Variants in RORA observed in about 807,000 individuals in gnomAD.
The protein encoded by RORA is RAR related orphan receptor A, also known as nuclear receptor ROR-alpha.
Under a neutral mutation model 69.5 loss-of-function variants are expected in RORA, and 7 were observed. That is an observed-to-expected ratio of 0.10 (90% CI 0.06 to 0.19). The LOEUF (loss-of-function observed/expected upper bound fraction) is 0.19. Ranked by LOEUF, RORA falls within the 10% of genes least tolerant of loss-of-function variation. The pLI is 1.00. For missense variants in RORA, 457 were observed against 663.0 expected (o/e 0.69, Z 3.41); for synonymous variants, 261 against 240.8 (o/e 1.08, Z -0.78).
chr15:60,993,556 T>C (rs1894444377), intron 1 of RORA, among the ~76,000 whole-genome samples: 1 of 149,388 alleles, frequency 6.7e-6, no homozygotes, highest in African/African-American at 2.5e-5. Context: ...GGCAGGAGAA[T>C]TGCTTGAACC....
intron 2 of RORA, among the ~76,000 whole-genome samples, chr15:60,571,767 G>T (rs1403926818): frequency 6.6e-6 from 1 of 152,134 alleles, no homozygotes; most frequent in African/African-American, 2.4e-5. Flanking sequence ...CTAGCTATGG[G>T]ACTGTTGTAT....
At chr15:60,821,449 TTC>T (rs2072892872) in intron 1 of RORA, among the ~76,000 whole-genome samples, 9 of 152,208 alleles carry the variant, frequency 5.9e-5, no homozygotes, top group Non-Finnish European at 1.0e-4. Context: ...CTGCTCCTTC[TTC>T]CTTTCACCAC....
intron 1 of RORA, among the ~76,000 whole-genome samples, chr15:61,026,594 A>G (rs1895828088): frequency 6.6e-6 from 1 of 152,170 alleles, no homozygotes; most frequent in South Asian, 2.1e-4. Flanking sequence ...GTCATATATA[A>G]TACGCCTGCC....
chr15:60,583,491 A>G (rs1007283996), intron 2 of RORA, among the ~76,000 whole-genome samples: 1 of 152,218 alleles, frequency 6.6e-6, no homozygotes, highest in African/African-American at 2.4e-5. Context: ...CCAGGCACAC[A>G]GTGAAGGCTA....
intron 1 of RORA, among the ~76,000 whole-genome samples, chr15:61,195,436 G>T (rs2079838373): frequency 6.6e-6 from 1 of 151,298 alleles, no homozygotes; most frequent in Non-Finnish European, 1.5e-5. Flanking sequence ...CCTTAACCTG[G>T]CATTCACAGT....
At chr15:60,915,682 T>C (rs1026173125) in intron 1 of RORA, among the ~76,000 whole-genome samples, 9 of 152,314 alleles carry the variant, frequency 5.9e-5, no homozygotes, top group Non-Finnish European at 1.2e-4. Context: ...CATGTGGCTA[T>C]TGGCTCCATT....
intron 1 of RORA, among the ~76,000 whole-genome samples, chr15:60,721,251 C>T (rs921363130): frequency 1.3e-5 from 2 of 152,080 alleles, no homozygotes; most frequent in African/African-American, 4.8e-5. Flanking sequence ...AATTGCCGGG[C>T]GGGGAGAGCA....
chr15:60,729,067 G>A (rs561245421), intron 1 of RORA, among the ~76,000 whole-genome samples: 5 of 152,250 alleles, frequency 3.3e-5, no homozygotes, highest in East Asian at 3.9e-4. Context: ...AGCAGGACAG[G>A]AGCTGGAAGC....
At chr15:60,657,935 A>T (rs2438062) in intron 2 of RORA, among the ~76,000 whole-genome samples, 116,421 of 151,992 alleles carry the variant, frequency 0.77, 45,112 homozygotes, top group East Asian at 1. Context: ...AGGGGTGGGG[A>T]TTCCTATGTT....
rs577017834 is a variant in RORA at position 61,018,430 on chromosome 15, G to T, written c.166+210623C>A. ...AAAGGATGCAGAAACAATCAGAAAAGTATGGAAAGTACTTTATAAATGTAA... is the reference window on the plus strand; with the variant it reads ...AAAGGATGCAGAAACAATCAGAAAATTATGGAAAGTACTTTATAAATGTAA... On this transcript the variant is annotated intron_variant, in intron 1 of 10. Coordinates refer to ENST00000335670, the MANE Select transcript of RORA (RefSeq NM_134261.3). Among the ~76,000 whole-genome samples, 8 of 152,242 alleles carry T rather than the reference G, an allele frequency of 5.3e-5. No individual in the cohort carries two copies. The East Asian group carries it at 1.4e-3, about 26-fold the overall frequency.
intron 1 of RORA, among the ~76,000 whole-genome samples, chr15:60,952,386 A>G (rs1893136177): frequency 6.6e-6 from 1 of 152,182 alleles, no homozygotes; most frequent in Admixed American, 6.5e-5. Flanking sequence ...GGCACAAGAC[A>G]GGGATGCCCT....
At chr15:60,574,212 T>G (rs1452364460) in intron 2 of RORA, among the ~76,000 whole-genome samples, 1 of 152,204 alleles carries the variant, frequency 6.6e-6, no homozygotes, top group Non-Finnish European at 1.5e-5. Context: ...CAGGTTGCTC[T>G]GCGTCTCTGA....
chr15:60,973,172 G>A (rs62005592), intron 1 of RORA, among the ~76,000 whole-genome samples: 25,948 of 151,972 alleles, frequency 0.17, 2,811 homozygotes, highest in Middle Eastern at 0.28. Context: ...GGTAGGGAGG[G>A]TCCTGGAAAG....
intron 1 of RORA, among the ~76,000 whole-genome samples, chr15:60,786,731 T>C (rs577331698): frequency 5.9e-5 from 9 of 152,368 alleles, no homozygotes; most frequent in African/African-American, 2.2e-4. Flanking sequence ...ATTCCTCCAG[T>C]GGTCCTTGGG....
chr15:60,500,790 G>A (rs945628716), intron 9 of RORA, among the ~76,000 whole-genome samples, 169 bp downstream of exon 9: 6 of 152,174 alleles, frequency 3.9e-5, no homozygotes, highest in Non-Finnish European at 8.8e-5. Flanking sequence ...TGTTGGATGG[G>A]TGGAAAAGAG....
At chr15:61,080,348 T>C (rs150466891) in intron 1 of RORA, among the ~76,000 whole-genome samples, 1 of 152,032 alleles carries the variant, frequency 6.6e-6, no homozygotes, top group Non-Finnish European at 1.5e-5. Context: ...CCTTTGAGAG[T>C]TCCTATTTTC....
rs571009693 is a variant in RORA at position 61,202,666 on chromosome 15, T to C, written c.166+26387A>G. 2.6e-5 allele frequency among the ~76,000 whole-genome samples: 4 copies of C among 152,078 alleles called. No homozygotes were observed. The East Asian group carries it at 7.7e-4, about 29-fold the overall frequency. ...CAGATGCCTATTTTAAGAGTACCCT[T>C]GAAAAACAAACCCCTTCATGTAAGA... On this transcript the variant is annotated intron_variant, in intron 1 of 10. Coordinates refer to ENST00000335670, the MANE Select transcript of RORA (RefSeq NM_134261.3).
chr15:61,184,643 G>T (rs926476521), intron 1 of RORA, among the ~76,000 whole-genome samples: 4 of 152,084 alleles, frequency 2.6e-5, no homozygotes, highest in Non-Finnish European at 4.4e-5. Context: ...GGAGTACTTG[G>T]CATACAGTCA....
At chr15:60,576,188 T>C (rs1401443432) in intron 2 of RORA, among the ~76,000 whole-genome samples, 1 of 152,254 alleles carries the variant, frequency 6.6e-6, no homozygotes, top group Non-Finnish European at 1.5e-5. Flanking sequence ...CCTCTGTTTA[T>C]ACAGTGAGTA....
Sources: allele counts gnomAD v4.1 joint callset (sites outside exome capture counted in the v4.1 genomes callset), GRCh38; gene constraint gnomAD v4.1.1; transcripts MANE v1.5; gene names NCBI Gene and HGNC (gene_info 2026-07-23, HGNC 2026-07-21).